The following ZNF100 variants were observed in gnomAD, a reference collection of about 807,000 sequenced individuals.
ZNF100 encodes zinc finger protein 100, also known as zinc finger protein 100 (Y1).
In ZNF100, 12 loss-of-function variants were observed where a neutral mutation model predicts 15.8. The ratio of observed to expected loss-of-function variants is 0.76; its 90% CI spans 0.49 to 1.23. The LOEUF (loss-of-function observed/expected upper bound fraction) is 1.23, where lower values mean the gene tolerates loss of function less well. Among genes scored for constraint, ZNF100 ranks in the 50% most tolerant of loss-of-function variants. The pLI, the probability that ZNF100 is intolerant of heterozygous loss-of-function variation, is 0.00. For missense variants in ZNF100, 670 were observed against 635.6 expected (o/e 1.05, Z -0.58); for synonymous variants, 226 against 214.8 (o/e 1.05, Z -0.45).
chr19:21,767,370 A>C, intron 1 of ZNF100, 57 bp downstream of exon 1: 1 of 1,613,416 alleles, frequency 6.2e-7, no homozygotes, highest in Non-Finnish European at 8.5e-7. Flanking sequence ...GCTACTTCCC[A>C]CCAGTTCCAA....
At chr19:21,760,702 G>A (rs1275171234) in intron 2 of ZNF100, among the ~76,000 whole-genome samples, 1 of 148,242 alleles carries the variant, frequency 6.7e-6, no homozygotes, top group African/African-American at 2.5e-5. Context: ...TTAAATGCAA[G>A]TTTCTGATAA....
At chr19:21,735,662 G>A (rs1434167934) in intron 4 of ZNF100, among the ~76,000 whole-genome samples, 3 of 152,258 alleles carry the variant, frequency 2.0e-5, no homozygotes, top group African/African-American at 7.2e-5. Flanking sequence ...AAAAAAAGCA[G>A]AGGTTGCAAT....
At chr19:21,731,505 C>T (rs2035919776) in intron 4 of ZNF100, among the ~76,000 whole-genome samples, 1 of 151,992 alleles carries the variant, frequency 6.6e-6, no homozygotes, top group Non-Finnish European at 1.5e-5. Flanking sequence ...GACAGCATTT[C>T]ACCATGTTGG....
At chr19:21,744,827 G>A in intron 3 of ZNF100, 114 bp downstream of exon 3, 6 of 1,509,296 alleles carry the variant, frequency 4.0e-6, no homozygotes, top group Non-Finnish European at 5.3e-6. Flanking sequence ...AGATTTTCTT[G>A]AAAAAACGGA....
chr19:21,743,897 G>T, intron 4 of ZNF100, 120 bp downstream of exon 4: 2 of 983,106 alleles, frequency 2.0e-6, no homozygotes, highest in Non-Finnish European at 2.8e-6. Flanking sequence ...AAAACACTCA[G>T]GCATCCCAGA....
At chr19:21,738,989 T>C (rs1006197169) in intron 4 of ZNF100, among the ~76,000 whole-genome samples, 2 of 152,144 alleles carry the variant, frequency 1.3e-5, no homozygotes, top group African/African-American at 4.8e-5. Context: ...CCAGCTCTCA[T>C]TTGAATTAAT....
At chr19:21,754,321 T>A (rs2036358007) in intron 2 of ZNF100, among the ~76,000 whole-genome samples, 1 of 152,084 alleles carries the variant, frequency 6.6e-6, no homozygotes, top group African/African-American at 2.4e-5. Context: ...AAAAAGAATG[T>A]TACAATTTAT....
intron 4 of ZNF100, among the ~76,000 whole-genome samples, chr19:21,736,113 A>T (rs2036004510): frequency 6.6e-6 from 1 of 151,566 alleles, no homozygotes; most frequent in African/African-American, 2.4e-5. Context: ...TTTGAGATGG[A>T]ATCTCACTCT....
chr19:21,742,583 G>A (rs913918574), intron 4 of ZNF100, among the ~76,000 whole-genome samples: 2 of 151,914 alleles, frequency 1.3e-5, no homozygotes, highest in African/African-American at 4.8e-5. Flanking sequence ...ACTATATTGT[G>A]CCCATTGTCA....
Position 21,723,276 on chromosome 19 carries a change from C to G in ZNF100, c.*3407G>C, listed in dbSNP as rs1000649971. On this transcript the variant is annotated 3_prime_UTR_variant, in exon 5 of 5. Coordinates refer to ENST00000358296, the MANE Select transcript of ZNF100 (RefSeq NM_173531.4). Reference sequence around the variant, plus strand: ...TTGGGAGGCTGAGGCAGGATAATTGCTTGAACCTGGAAGGCAGAGGTTGCA... The same window carrying G: ...TTGGGAGGCTGAGGCAGGATAATTGGTTGAACCTGGAAGGCAGAGGTTGCA... 6 of 145,382 alleles carry G rather than the reference C, an allele frequency of 4.1e-5. No individual in the cohort carries two copies. Among genetic ancestry groups the G allele is most frequent in the African/African-American group, 1.5e-4 (6 of 39,278 alleles). The allele number at this position is 145,382 out of a possible 1,614,324, so 9.0% of individuals were successfully genotyped here.
At chr19:21,730,445 A>AGTGTGTGTGTGTGT (rs58942514) in intron 4 of ZNF100, among the ~76,000 whole-genome samples, 119 of 147,716 alleles carry the variant, frequency 8.1e-4, no homozygotes, top group African/African-American at 2.4e-3. Flanking sequence ...TGATAACCTA[A>AGTGTGTGTGTGTGT]GTGTGTGTGT....
At chr19:21,749,240 A>G (rs1378096869) in intron 2 of ZNF100, among the ~76,000 whole-genome samples, 1 of 152,060 alleles carries the variant, frequency 6.6e-6, no homozygotes, top group Non-Finnish European at 1.5e-5. Context: ...CAAACTAGAG[A>G]AACTCTCATC....
At chr19:21,728,443 CA>C (rs2035854885) in intron 4 of ZNF100, among the ~76,000 whole-genome samples, 1 of 152,068 alleles carries the variant, frequency 6.6e-6, no homozygotes, top group Non-Finnish European at 1.5e-5. Context: ...TTTGGAGTGA[CA>C]GTCTTAACTT....
chr19:21,760,493 TA>T (rs985816145), intron 2 of ZNF100, among the ~76,000 whole-genome samples: 2 of 149,820 alleles, frequency 1.3e-5, no homozygotes, highest in South Asian at 2.1e-4. Context: ...AGACTCCATC[TA>T]AAAAAAAATA....
At chr19:21,763,913 T>G (rs1301146391) in intron 2 of ZNF100, among the ~76,000 whole-genome samples, 1 of 152,162 alleles carries the variant, frequency 6.6e-6, no homozygotes, top group Non-Finnish European at 1.5e-5. Flanking sequence ...GGAATTCAAA[T>G]TTTTTAAATA....
At chr19:21,748,245 G>C (rs976141388) in intron 2 of ZNF100, among the ~76,000 whole-genome samples, 4 of 152,122 alleles carry the variant, frequency 2.6e-5, no homozygotes, top group African/African-American at 9.7e-5. Context: ...ACCAGCTCTA[G>C]AAAGGCAGAA....
At position 21,724,116 on chromosome 19, in the gene ZNF100, G is replaced by T. The variant is rs146909559; in HGVS notation, c.*2567C>A. ...GGGGTCTATCATGAGTACCAGGCAA[G>T]TATAAACAGAATTTTCATGGGGAGA... On this transcript the variant is annotated 3_prime_UTR_variant, in exon 5 of 5. Coordinates refer to ENST00000358296, the MANE Select transcript of ZNF100 (RefSeq NM_173531.4). 6 of 152,228 alleles carry T rather than the reference G, an allele frequency of 3.9e-5. No individual in the cohort carries two copies. Among genetic ancestry groups the T allele is most frequent in the African/African-American group, 1.4e-4 (6 of 41,532 alleles). 9.4% of individuals were successfully genotyped at this position (152,228 alleles called of 1,614,324 possible). A position where few individuals can be genotyped will look rare whatever the true frequency, so the allele number is the denominator to read the frequency against.
At chr19:21,748,557 T>A (rs2036250409) in intron 2 of ZNF100, among the ~76,000 whole-genome samples, 1 of 152,238 alleles carries the variant, frequency 6.6e-6, no homozygotes, top group Non-Finnish European at 1.5e-5. Flanking sequence ...TAAAGTTTTC[T>A]GGAATAATTT....
chr19:21,764,328 A>G (rs1431375750), intron 2 of ZNF100, among the ~76,000 whole-genome samples: 3 of 152,168 alleles, frequency 2.0e-5, no homozygotes, highest in African/African-American at 4.8e-5. Context: ...AGGTGCTTAC[A>G]TTTTATACCT....
Sources: gnomAD v4.1 joint callset for allele counts (sites outside exome capture counted in the v4.1 genomes callset) on GRCh38, gnomAD v4.1.1 for gene constraint, MANE v1.5 for transcripts, NCBI Gene and HGNC (gene_info 2026-07-23, HGNC 2026-07-21) for gene names.